SERPINB5: variants seen among roughly 807,000 people sequenced by gnomAD.
The protein encoded by SERPINB5 is serpin B5.
In SERPINB5, 27 loss-of-function variants were observed where a neutral mutation model predicts 32.2. The ratio of observed to expected loss-of-function variants is 0.84; its 90% CI spans 0.62 to 1.16. The LOEUF is 1.16. Among genes scored for constraint, SERPINB5 ranks in the 50% most tolerant of loss-of-function variants. The pLI is 0.00. For synonymous variants in SERPINB5, 154 were observed against 157.4 expected (o/e 0.98, Z 0.16); for missense variants, 388 against 436.3 (o/e 0.89, Z 0.99).
intron 3 of SERPINB5, among the ~76,000 whole-genome samples, chr18:63,488,459 G>C (rs1917248033): frequency 6.6e-6 from 1 of 152,186 alleles, no homozygotes; most frequent in Non-Finnish European, 1.5e-5. Context: ...CTGGGGTGCA[G>C]CGGCATGATC....
At chr18:63,497,498 T>TCAAA in intron 5 of SERPINB5, 1 of 183,594 alleles carries the variant, frequency 5.4e-6, no homozygotes, top group Non-Finnish European at 9.6e-6. Context: ...ACAACGTTTC[T>TCAAA]GAAAAAAAAA....
At chr18:63,492,132 C>T (rs1326595992) in intron 4 of SERPINB5, among the ~76,000 whole-genome samples, 3 of 152,162 alleles carry the variant, frequency 2.0e-5, no homozygotes, top group Non-Finnish European at 4.4e-5. Context: ...AACCTGTGGG[C>T]TATTCAAATG....
chr18:63,491,408 A>ACCGC (rs757436524), intron 4 of SERPINB5, among the ~76,000 whole-genome samples: 2 of 107,792 alleles, frequency 1.9e-5, no homozygotes, highest in Non-Finnish European at 3.8e-5. Flanking sequence ...GTCTCCCAAA[A>ACCGC]AAAAAAAAAA....
intron 4 of SERPINB5, among the ~76,000 whole-genome samples, chr18:63,491,410 A>ACCCC (rs1568110278): frequency 8.4e-5 from 12 of 142,824 alleles, no homozygotes; most frequent in Non-Finnish European, 1.5e-4. Context: ...CTCCCAAAAA[A>ACCCC]AAAAAAAAAA....
rs377697959 is a variant in SERPINB5, at chr18:63,487,057, G to A, written c.280G>A (p.Val94Ile). 1.8e-5 allele frequency: 29 copies of A among 1,613,958 alleles called. No individual in the cohort carries two copies. Among genetic ancestry groups the A allele is most frequent in the Admixed American group, 5.0e-5 (3 of 59,984 alleles). Residue 94 changes from valine (V) to isoleucine (I), a missense_variant, in exon 3 of 7, where the codon GTA (valine) becomes ATA (isoleucine). Val to Ile is a conservative substitution (Grantham distance 29). Transcript: ENST00000382771. ...YSLKLIKRLY[V>I]DKSLNLSTEF... ...ACTGAAACTAATCAAGCGGCTCTAC[G>A]TAGACAAATCTCTGAATCTTTCTAC...
intron 4 of SERPINB5, among the ~76,000 whole-genome samples, chr18:63,490,277 G>A (rs1243747152): frequency 1.3e-5 from 2 of 152,084 alleles, no homozygotes; most frequent in African/African-American, 4.8e-5. Context: ...TCCTCTGATA[G>A]CCCCGGGGTC....
Position 63,492,858 on chromosome 18 carries a change from A to G in SERPINB5, c.425-95A>G, listed in dbSNP as rs1047305552. 1.0e-5 allele frequency: 15 copies of G among 1,468,258 alleles called. No homozygotes were observed. The Admixed American group carries it at 2.7e-4, about 27-fold the overall frequency. The allele number at this position is 1,468,258 out of a possible 1,614,324, so 91.0% of individuals were successfully genotyped here. A position where few individuals can be genotyped will look rare whatever the true frequency, so the allele number is the denominator to read the frequency against. On this transcript the variant is annotated intron_variant, in intron 4 of 6. Coordinates refer to ENST00000382771, the MANE Select transcript of SERPINB5 (RefSeq NM_002639.5). Reference sequence around the variant, plus strand: ...ATCAGGCCTTACATGGTGTGACTCCATGAAGTGGTAAATACTCAGTGAATA... The same window carrying G: ...ATCAGGCCTTACATGGTGTGACTCCGTGAAGTGGTAAATACTCAGTGAATA...
In SERPINB5 at chr18:63,484,535, C is replaced by T. The variant is rs1322430270; in HGVS notation, c.107C>T (p.Ser36Phe). Reference protein sequence around the residue: ...GNVLFSPICLSTSLSLAQVGA... With the variant: ...GNVLFSPICLFTSLSLAQVGA... ...GTCCTCTTCTCTCCAATCTGTCTCTCCACCTCTCTGTCACTTGCTCAAGTG... is the reference window on the plus strand; with the variant it reads ...GTCCTCTTCTCTCCAATCTGTCTCTTCACCTCTCTGTCACTTGCTCAAGTG... The change falls in exon 2 of 7, where the codon TCC (serine) becomes TTC (phenylalanine). Residue 36 changes from serine (S) to phenylalanine (F), a missense_variant. Physicochemically the swap from Ser to Phe is radical, Grantham distance 155 (BLOSUM62 -2). Coordinates refer to ENST00000382771, the MANE Select transcript of SERPINB5 (RefSeq NM_002639.5). 5.0e-6 allele frequency: 8 copies of T among 1,614,016 alleles called. No homozygotes were observed. The highest frequency in any genetic ancestry group is 6.8e-6 in the Non-Finnish European group (8 of 1,180,026).
intron 5 of SERPINB5, among the ~76,000 whole-genome samples, chr18:63,494,248 G>A (rs1909402397): frequency 6.6e-6 from 1 of 150,378 alleles, no homozygotes; most frequent in African/African-American, 2.5e-5. Flanking sequence ...CTTGAACCCA[G>A]GAGGCAGAGG....
intron 5 of SERPINB5, among the ~76,000 whole-genome samples, chr18:63,496,019 T>G (rs569099287): frequency 6.6e-6 from 1 of 152,358 alleles, no homozygotes; most frequent in African/African-American, 2.4e-5. Flanking sequence ...AAAAGTTTAG[T>G]ATAGTACTTA....
chr18:63,492,848 G>T, intron 4 of SERPINB5, 105 bp from the exon 5 acceptor site: 1 of 1,396,414 alleles, frequency 7.2e-7, no homozygotes, highest in Non-Finnish European at 9.8e-7. Context: ...GCCTTACATG[G>T]TGTGACTCCA....
intron 3 of SERPINB5, among the ~76,000 whole-genome samples, chr18:63,487,408 G>GT (rs1010415024): frequency 1.3e-5 from 2 of 152,146 alleles, no homozygotes; most frequent in Non-Finnish European, 2.9e-5. Flanking sequence ...TAGACAATGA[G>GT]CTGTCTTACA....
chr18:63,503,272 C>A, intron 6 of SERPINB5, 58 bp from the exon 7 acceptor site: 1 of 1,517,888 alleles, frequency 6.6e-7, no homozygotes, highest in Non-Finnish European at 8.9e-7. Flanking sequence ...TCAATTGAGC[C>A]AGGTCTTTTA....
chr18:63,493,106 C>G lies in SERPINB5; in HGVS notation c.567+11C>G. The G allele has an allele frequency of 6.2e-7, 1 of 1,614,060 alleles. No homozygotes were observed. The highest frequency in any genetic ancestry group is 8.5e-7 in the Non-Finnish European group (1 of 1,180,010). On this transcript the variant is annotated intron_variant, in intron 5 of 6. Coordinates refer to ENST00000382771, the MANE Select transcript of SERPINB5 (RefSeq NM_002639.5). ...TTCAGAGTCAACAAGGTATGTGGGG[C>G]AGCATGTAGCAGTAAAAGGAGCCCA...
chr18:63,492,030 G>T (rs1051490043), intron 4 of SERPINB5, among the ~76,000 whole-genome samples: 5 of 152,116 alleles, frequency 3.3e-5, no homozygotes, highest in Admixed American at 6.6e-5. Flanking sequence ...CCAAGTGCAG[G>T]GTCCTTCACA....
chr18:63,487,922 T>C (rs1917240281), intron 3 of SERPINB5, among the ~76,000 whole-genome samples: 1 of 152,174 alleles, frequency 6.6e-6, no homozygotes, highest in African/African-American at 2.4e-5. Context: ...TAAGATCTTT[T>C]GAGGACATGG....
intron 5 of SERPINB5, among the ~76,000 whole-genome samples, chr18:63,495,067 C>T (rs564528618): frequency 6.6e-6 from 1 of 152,340 alleles, no homozygotes; most frequent in South Asian, 2.1e-4. Context: ...CTGCTCCTTA[C>T]CAACTCAAAA....
intron 1 of SERPINB5, among the ~76,000 whole-genome samples, chr18:63,478,767 T>G (rs1213438590): frequency 6.6e-6 from 1 of 151,140 alleles, no homozygotes; most frequent in East Asian, 1.9e-4. Flanking sequence ...AGTTTTTTTT[T>G]TTTTTTTCTT....
chr18:63,486,528 T>C (rs534440634), intron 2 of SERPINB5: 1 of 154,898 alleles, frequency 6.5e-6, no homozygotes, highest in South Asian at 2.0e-4. Context: ...TTGGAAATCC[T>C]TCTGTGTGAG....
Sources: allele counts gnomAD v4.1 joint callset (sites outside exome capture counted in the v4.1 genomes callset), GRCh38; gene constraint gnomAD v4.1.1; transcripts MANE v1.5; gene names NCBI Gene and HGNC (gene_info 2026-07-23, HGNC 2026-07-21).